Variants in TTN observed in about 807,000 individuals in gnomAD.
The protein encoded by TTN is titin, also known as connectin.
A neutral mutation model predicts 3,223.0 loss-of-function variants in TTN; 1,525 were observed. The ratio of observed to expected loss-of-function variants is 0.47; its 90% confidence interval spans 0.45 to 0.49. The LOEUF (loss-of-function observed/expected upper bound fraction) is 0.49, where lower values mean the gene tolerates loss of function less well. Among genes scored for constraint, TTN ranks in the 20% least tolerant of loss-of-function variants. The pLI is 0.00. For missense variants in TTN, 40,786 were observed against 43,424.0 expected, an observed-to-expected ratio of 0.94 and a Z score of 5.40; for synonymous variants, 14,094 against 15,161.0, an observed-to-expected ratio of 0.93 and a Z score of 5.17.
chr2:178,675,668 T>C lies in TTN; in HGVS notation c.34537+3A>G, dbSNP rs1427570685. The C allele has an allele frequency of 4.9e-6, 7 of 1,414,626 alleles. No homozygotes were observed. Among genetic ancestry groups the C allele is most frequent in the African/African-American group, 1.4e-5 (1 of 69,454 alleles). The allele number at this position is 1,414,626 out of a possible 1,614,324, so 87.6% of individuals were successfully genotyped here. A position where few individuals can be genotyped will look rare whatever the true frequency, so the allele number is the denominator to read the frequency against. ...AACATATCCCTGTTATGGGATGATG[T>C]ACCTTTGGCAGGAGGGGCCACTGCT... On this transcript the variant is annotated splice_donor_region_variant and intron_variant, in intron 149 of 362. Coordinates refer to ENST00000589042, the MANE Select transcript of TTN (RefSeq NM_001267550.2).
chr2:178,644,025 A>C (rs894044197), intron 218 of TTN, among the ~76,000 whole-genome samples: 6 of 151,992 alleles, frequency 3.9e-5, no homozygotes, highest in Non-Finnish European at 7.4e-5. Context: ...GTAATAAGGA[A>C]ATTTTTCTGA....
intron 44 of TTN, among the ~76,000 whole-genome samples, 152 bp from the exon 45 acceptor site, chr2:178,758,068 A>T (rs1156723571): frequency 6.6e-6 from 1 of 152,154 alleles, no homozygotes; most frequent in Non-Finnish European, 1.5e-5. Context: ...TATTGACTCG[A>T]AGTCACACAA....
chr2:178,619,312 A>C (rs1227932660), intron 250 of TTN: 2 of 427,642 alleles, frequency 4.7e-6, no homozygotes, highest in Non-Finnish European at 8.3e-6. Context: ...TTTGTAAAGT[A>C]GGAGAGTATA....
At chr2:178,680,178 G>C in intron 139 of TTN, 76 bp downstream of exon 139, 1 of 1,584,948 alleles carries the variant, frequency 6.3e-7, no homozygotes, top group East Asian at 2.2e-5. Context: ...CACAAAAGAA[G>C]TTTTCACACA....
intron 18 of TTN, 48 bp from the exon 19 acceptor site, chr2:178,782,650 C>A: frequency 6.2e-7 from 1 of 1,609,480 alleles, no homozygotes; most frequent in Non-Finnish European, 8.5e-7. Flanking sequence ...TTTAGTGACC[C>A]CTGCTTAGCA....
At chr2:178,593,498 C>T (rs755109617) in intron 298 of TTN, 23 bp from the exon 299 acceptor site, 7 of 1,598,958 alleles carry the variant, frequency 4.4e-6, no homozygotes, top group South Asian at 3.5e-5. Flanking sequence ...TTGGAAAATG[C>T]GTTAGAAATT....
rs1203876644 is a variant in TTN at position 178,650,254 on chromosome 2, C to T, written c.39727G>A (p.Glu13243Lys). 1.3e-6 allele frequency: 2 copies of T among 1,586,824 alleles called. No individual in the cohort carries two copies. The highest frequency in any genetic ancestry group is 1.8e-5 in the Admixed American group (1 of 57,042). Residue 13243 changes from glutamate (E) to lysine (K), a missense_variant, in exon 210 of 363, where the codon GAA becomes AAA. By Grantham distance (56) the Glu-to-Lys change is moderately conservative. Coordinates refer to ENST00000589042, the MANE Select transcript of TTN (RefSeq NM_001267550.2). Reference sequence around the variant, plus strand: ...GCAATTTCCTCTTCAGGAGCAATTTCCTCAGGTTCTTCATATACTTTAAAG... The same window carrying T: ...GCAATTTCCTCTTCAGGAGCAATTTTCTCAGGTTCTTCATATACTTTAAAG... Reference protein sequence around the residue: ...PPPEVYEEPEEIAPEEEIAPE... With the variant: ...PPPEVYEEPEKIAPEEEIAPE...
chr2:178,799,390 G>A (rs556312781), intron 6 of TTN, 97 bp downstream of exon 6: 68 of 1,587,084 alleles, frequency 4.3e-5, no homozygotes, highest in Admixed American at 1.2e-4. Context: ...ACCACTCTCC[G>A]CGTCGCATGC....
At position 178,776,981 on chromosome 2, in the gene TTN, T is replaced by A. The variant is rs1272404083; in HGVS notation, c.4883A>T (p.Tyr1628Phe). 6.2e-7 allele frequency: 1 copy of A among 1,613,960 alleles called. No homozygotes were observed. The highest frequency in any genetic ancestry group is 1.7e-5 in the Admixed American group (1 of 59,990). The change falls in exon 28 of 363, where the codon TAT becomes TTT. Residue 1628 changes from tyrosine (Y) to phenylalanine (F), a missense_variant. By Grantham distance (22) the Tyr-to-Phe change is conservative (BLOSUM62 3). Transcript: ENST00000589042. ...AGCTTTATTAATAGCAGTCGCAGTA[T>A]ACCAGGCAGAATCTTGGCTGACAGT... is the stretch of plus-strand genomic sequence containing the variant. ...DSTVSQDSAW[Y>F]TATAINKAGR... is the part of the protein sequence containing the mutation.
chr2:178,582,988 C>T lies in TTN; in HGVS notation c.65815G>A (p.Glu21939Lys). The T allele has an allele frequency of 6.4e-7, 1 of 1,554,830 alleles. No homozygotes were observed. Among genetic ancestry groups the T allele is most frequent in the Non-Finnish European group, 8.7e-7 (1 of 1,147,630 alleles). ...KDSGDYTITA[E>K]NSSGSKSATI... is the part of the protein sequence containing the mutation. ...GCTGATTTAGAACCACTTGAATTTTCAGCAGTAATGGTATAGTCTCCTGAG... is the reference window on the plus strand; with the variant it reads ...GCTGATTTAGAACCACTTGAATTTTTAGCAGTAATGGTATAGTCTCCTGAG... The change falls in exon 313 of 363, where the codon GAA (glutamate) becomes AAA (lysine). Residue 21939 changes from glutamate to lysine, a missense_variant. Coordinates refer to ENST00000589042, the MANE Select transcript of TTN (RefSeq NM_001267550.2).
At chr2:178,675,635 G>A in intron 149 of TTN, 36 bp downstream of exon 149, 1 of 1,371,566 alleles carries the variant, frequency 7.3e-7, no homozygotes, top group Non-Finnish European at 9.4e-7. Context: ...TTCAACATCG[G>A]TGCAGCAAAC....
In TTN at chr2:178,748,988, C is replaced by G. The variant is rs145919543; in HGVS notation, c.11311+4136G>C. 1.5e-4 allele frequency: 235 copies of G among 1,612,226 alleles called. No individual in the cohort carries two copies. The highest frequency in any genetic ancestry group is 1.6e-4 in the Non-Finnish European group (187 of 1,179,124). On this transcript the variant is annotated intron_variant, in intron 47 of 362. Coordinates refer to ENST00000589042, the MANE Select transcript of TTN (RefSeq NM_001267550.2). ...TCTGGTAGGTCTTTTTTCTAGAACT[C>G]CTTTTTCTACATGTAATTTTTCAAA...
In TTN at chr2:178,575,070, A is replaced by C. The variant is rs935595558; in HGVS notation, c.71062T>G (p.Ser23688Ala). 2 of 1,613,238 alleles carry C rather than the reference A, an allele frequency of 1.2e-6. No individual in the cohort carries two copies. Among genetic ancestry groups the C allele is most frequent in the African/African-American group, 1.3e-5 (1 of 74,888 alleles). Residue 23688 changes from serine (S) to alanine (A), a missense_variant, in exon 326 of 363, where the codon TCA (serine) becomes GCA (alanine). Ser to Ala is a moderately conservative substitution (Grantham distance 99, BLOSUM62 1). Coordinates refer to ENST00000589042, the MANE Select transcript of TTN (RefSeq NM_001267550.2). The surrounding 1 kb of genome is among the most constrained non-coding windows in gnomAD (Gnocchi z 4.0). The part of the protein sequence containing the change: ...QRVNFETTAT[S>A]TILNINECVR... ...CACTCATTGATATTTAAAATGGTTG[A>C]AGTCGCTGTGGTTTCAAAATTAACT...
At chr2:178,750,485 T>G in intron 47 of TTN, 1 of 1,612,940 alleles carries the variant, frequency 6.2e-7, no homozygotes, top group Non-Finnish European at 8.5e-7. Flanking sequence ...CACTATAGGT[T>G]GAGGATATCC....
chr2:178,729,204 CAT>C, intron 64 of TTN, 35 bp from the exon 65 acceptor site: 2 of 1,547,138 alleles, frequency 1.3e-6, no homozygotes, highest in Non-Finnish European at 1.7e-6. Flanking sequence ...AAAGAAGAAA[CAT>C]ATTGTAACTC....
In TTN at chr2:178,553,039, C is replaced by T. The variant is rs1060500457; in HGVS notation, c.89861G>A (p.Trp29954Ter). ...HVSRGTVTLLWDPPLIDGGSP... is the reference protein window; with the variant it reads ...HVSRGTVTLL ...TCCTCCATCAATGAGAGGAGGATCCCAGAGCAAAGTGACTGTGCCTCGAGA... is the reference window on the plus strand; with the variant it reads ...TCCTCCATCAATGAGAGGAGGATCCTAGAGCAAAGTGACTGTGCCTCGAGA... Residue 29954 changes from tryptophan to a stop codon, truncating the protein, a stop_gained, in exon 335 of 363, where the codon TGG becomes TAG. Transcript: ENST00000589042. LOFTEE classifies it high-confidence loss of function. 1 of 1,612,000 alleles carries T rather than the reference C, an allele frequency of 6.2e-7. No homozygotes were observed. Among genetic ancestry groups the T allele is most frequent in the Non-Finnish European group, 8.5e-7 (1 of 1,179,712 alleles).
At chr2:178,619,211 A>C in intron 250 of TTN, 1 of 358,552 alleles carries the variant, frequency 2.8e-6, no homozygotes, top group South Asian at 3.3e-5. Context: ...TTTTCTTATG[A>C]ATGAGAGGTA....
Position 178,601,781 on chromosome 2 carries a change from T to C in TTN, c.55309A>G (p.Thr18437Ala), listed in dbSNP as rs1378437369. The part of the protein sequence containing the change: ...HDIPEDAQLE[T>A]AENSSVIIIP... ...ATAATTACTGAGGAGTTTTCAGCAGTCTCCAGCTGTACAAAGAAAATAGTA... is the reference window on the plus strand; with the variant it reads ...ATAATTACTGAGGAGTTTTCAGCAGCCTCCAGCTGTACAAAGAAAATAGTA... The change falls in exon 286 of 363, where the codon ACT becomes GCT. Residue 18437 changes from threonine to alanine, a missense_variant. Coordinates refer to ENST00000589042, the MANE Select transcript of TTN (RefSeq NM_001267550.2). The C allele has an allele frequency of 4.4e-6, 7 of 1,602,756 alleles. No homozygotes were observed. The highest frequency in any genetic ancestry group is 5.1e-6 in the Non-Finnish European group (6 of 1,175,938).
rs367805587 is a variant in TTN, at chr2:178,544,093, T to C, written c.96051A>G (p.Ala32017=). The C allele has an allele frequency of 1.2e-5, 19 of 1,609,522 alleles. No homozygotes were observed. In the African/African-American group the frequency reaches 2.5e-4, roughly 22 times the overall value. ...ERIEIPDLEL[A]DDLKKTVTIR... is the part of the protein sequence containing the mutation. ...TGGTCACAGTCTTCTTTAGATCATC[T>C]GCAAGCTCAAGATCTGGTATTTCTG... Residue 32017 remains alanine (A), a synonymous_variant, in exon 346 of 363, where the codon GCA becomes GCG. Coordinates refer to ENST00000589042, the MANE Select transcript of TTN (RefSeq NM_001267550.2).
Sources: allele counts gnomAD v4.1 joint callset (sites outside exome capture counted in the v4.1 genomes callset), GRCh38; gene constraint gnomAD v4.1.1; non-coding constraint Gnocchi (gnomAD v3.1); transcripts MANE v1.5; gene names NCBI Gene and HGNC (gene_info 2026-07-23, HGNC 2026-07-21).